ZNF407: variants seen among roughly 807,000 people sequenced by gnomAD.
The protein encoded by ZNF407 is zinc finger protein 407.
In ZNF407, 17 loss-of-function variants were observed where a neutral mutation model predicts 131.2. The ratio of observed to expected loss-of-function variants is 0.13; its 90% CI spans 0.09 to 0.19. ZNF407 has a LOEUF of 0.19. Among genes scored for constraint, ZNF407 ranks in the 10% least tolerant of loss-of-function variants. ZNF407 has a pLI of 1.00. For missense variants in ZNF407, 2,681 were observed against 2,830.6 expected, an observed-to-expected ratio of 0.95 and a Z score of 1.20; for synonymous variants, 1,156 against 1,062.0, an observed-to-expected ratio of 1.09 and a Z score of -1.72.
intron 8 of ZNF407, among the ~76,000 whole-genome samples, chr18:74,999,936 AG>A (rs758704812): frequency 1.3e-5 from 2 of 152,240 alleles, no homozygotes; most frequent in South Asian, 4.1e-4. Flanking sequence ...GATTTCCCTG[AG>A]AGAACATAAA....
intron 1 of ZNF407, among the ~76,000 whole-genome samples, chr18:74,598,723 G>A (rs187945118): frequency 1.4e-4 from 22 of 152,372 alleles, no homozygotes; most frequent in Non-Finnish European, 1.8e-4. Context: ...GCCTGACACC[G>A]CTGCGGGCAG....
chr18:74,656,011 T>G (rs1985440636), intron 3 of ZNF407, among the ~76,000 whole-genome samples: 1 of 152,134 alleles, frequency 6.6e-6, no homozygotes, highest in Non-Finnish European at 1.5e-5. Flanking sequence ...ATTTTATATT[T>G]ATAATTTGTA....
At chr18:74,755,095 A>G (rs1968897510) in intron 3 of ZNF407, among the ~76,000 whole-genome samples, 1 of 152,124 alleles carries the variant, frequency 6.6e-6, no homozygotes, top group East Asian at 1.9e-4. Flanking sequence ...TCCCTTTACC[A>G]TTATGTAATG....
At chr18:74,661,695 C>T (rs559077558) in intron 3 of ZNF407, among the ~76,000 whole-genome samples, 3 of 152,056 alleles carry the variant, frequency 2.0e-5, no homozygotes, top group Non-Finnish European at 4.4e-5. Flanking sequence ...TTCTTTGTCA[C>T]CTGCCTCCAT....
At chr18:74,736,662 C>T (rs935783387) in intron 3 of ZNF407, among the ~76,000 whole-genome samples, 5 of 152,078 alleles carry the variant, frequency 3.3e-5, no homozygotes, top group Admixed American at 2.0e-4. Context: ...AACATGCCTG[C>T]CCAGGATGCC....
chr18:74,636,135 T>C (rs1403148075), intron 2 of ZNF407, among the ~76,000 whole-genome samples: 1 of 152,186 alleles, frequency 6.6e-6, no homozygotes, highest in Non-Finnish European at 1.5e-5. Context: ...TGTAAAAATA[T>C]TCATCATTAG....
intron 3 of ZNF407, among the ~76,000 whole-genome samples, chr18:74,668,067 TCCCTAAC>T (rs1285696093): frequency 3.3e-5 from 5 of 152,116 alleles, no homozygotes; most frequent in Non-Finnish European, 7.4e-5. Flanking sequence ...GGGTAGAGCA[TCCCTAAC>T]CCAAGAACCT....
intron 4 of ZNF407, among the ~76,000 whole-genome samples, chr18:74,849,720 A>G (rs1245795187): frequency 6.6e-6 from 1 of 152,182 alleles, no homozygotes; most frequent in African/African-American, 2.4e-5. Context: ...GACGAAGGAG[A>G]TTCCCTGAGA....
chr18:75,025,088 A>G (rs929122563), intron 8 of ZNF407, among the ~76,000 whole-genome samples: 1 of 152,244 alleles, frequency 6.6e-6, no homozygotes, highest in African/African-American at 2.4e-5. Context: ...CAAAATGCAT[A>G]GAGCTTGTAA....
chr18:75,025,830 G>A lies in ZNF407; in HGVS notation c.5429-37320G>A, dbSNP rs541777891. On this transcript the variant is annotated intron_variant, in intron 8 of 8. Transcript: ENST00000299687. ...TTAGTCATTATGCTGCCAAGTGTGC[G>A]TGTTCCCCTTTGGCCTCCTAAATGA... Among the ~76,000 whole-genome samples, 335 of 152,296 alleles carry A rather than the reference G, an allele frequency of 2.2e-3. 2 individuals carry two copies. The highest frequency in any genetic ancestry group is 7.2e-3 in the African/African-American group (301 of 41,548).
intron 3 of ZNF407, among the ~76,000 whole-genome samples, chr18:74,681,868 C>T (rs10514137): frequency 0.16 from 23,748 of 151,994 alleles, 2,423 homozygotes; most frequent in Non-Finnish European, 0.22. Context: ...ATTGTTAGTG[C>T]TCCAGAATCA....
At chr18:75,019,561 C>G (rs912186223) in intron 8 of ZNF407, among the ~76,000 whole-genome samples, 1 of 152,162 alleles carries the variant, frequency 6.6e-6, no homozygotes, top group Non-Finnish European at 1.5e-5. Flanking sequence ...TAGTCCCACT[C>G]TTTCCCACTC....
intron 8 of ZNF407, among the ~76,000 whole-genome samples, chr18:75,012,371 G>GTGTATGTACACATAA (rs1468133890): frequency 2.2e-5 from 2 of 89,836 alleles, no homozygotes; most frequent in Non-Finnish European, 4.8e-5. Flanking sequence ...TGTACACATA[G>GTGTATGTACACATAA]TGTATGTACA....
At chr18:74,789,089 C>T (rs1287616970) in intron 4 of ZNF407, among the ~76,000 whole-genome samples, 3 of 151,992 alleles carry the variant, frequency 2.0e-5, no homozygotes, top group Non-Finnish European at 4.4e-5. Flanking sequence ...CTTGAATCTT[C>T]GGGTTGATGT....
Position 74,911,045 on chromosome 18 carries a change from A to G in ZNF407, c.5250-9469A>G, listed in dbSNP as rs145221652. Among the ~76,000 whole-genome samples, 686 of 152,320 alleles carry G rather than the reference A, an allele frequency of 4.5e-3. 2 individuals are homozygous for G. Among genetic ancestry groups the G allele is most frequent in the African/African-American group, 0.016 (645 of 41,560 alleles). Reference sequence around the variant, plus strand: ...GTATAATTACTTTACACACACATCTATATATAAGTGACTTTCGTGGTGTGT... The same window carrying G: ...GTATAATTACTTTACACACACATCTGTATATAAGTGACTTTCGTGGTGTGT... On this transcript the variant is annotated intron_variant, in intron 7 of 8. Coordinates refer to ENST00000299687, the MANE Select transcript of ZNF407 (RefSeq NM_017757.3).
chr18:74,783,638 G>C (rs1426130933), intron 4 of ZNF407, among the ~76,000 whole-genome samples: 1 of 151,472 alleles, frequency 6.6e-6, no homozygotes, highest in East Asian at 1.9e-4. Flanking sequence ...AATACATAAA[G>C]GGAGATTAAA....
At position 74,701,072 on chromosome 18, in the gene ZNF407, T is replaced by C. The variant is rs111558087; in HGVS notation, c.4802+59950T>C. 6.6e-5 allele frequency among the ~76,000 whole-genome samples: 10 copies of C among 152,276 alleles called. 1 individual carries two copies. The highest frequency in any genetic ancestry group is 1.9e-4 in the African/African-American group (8 of 41,556). On this transcript the variant is annotated intron_variant, in intron 3 of 8. Coordinates refer to ENST00000299687, the MANE Select transcript of ZNF407 (RefSeq NM_017757.3). ...CAACAGACAGCTGTCTCTCTCCTCC[T>C]CCGCATGCACACTTGTCCTCACATG...
chr18:74,759,884 A>C (rs1175999163), intron 3 of ZNF407, among the ~76,000 whole-genome samples: 1 of 148,494 alleles, frequency 6.7e-6, no homozygotes, highest in African/African-American at 2.5e-5. Flanking sequence ...ATTTCATGGA[A>C]ATGGTTTCTG....
chr18:75,053,807 A>G (rs1259631525), intron 8 of ZNF407, among the ~76,000 whole-genome samples: 10 of 152,344 alleles, frequency 6.6e-5, no homozygotes, highest in Non-Finnish European at 7.3e-5. Context: ...GGCTCTCCCA[A>G]GTCCATCCAG....
Sources: gnomAD v4.1 joint callset for allele counts (sites outside exome capture counted in the v4.1 genomes callset) on GRCh38, gnomAD v4.1.1 for gene constraint, MANE v1.5 for transcripts, NCBI Gene and HGNC (gene_info 2026-07-23, HGNC 2026-07-21) for gene names.